The following CLDN14 variants were observed in gnomAD, a reference collection of about 807,000 sequenced individuals.
The protein encoded by CLDN14 is claudin 14, also known as claudin-14.
A neutral mutation model predicts 2.1 loss-of-function variants in CLDN14; 2 were observed. That is an observed-to-expected ratio of 0.96 (90% CI 0.39 to 3.01). The LOEUF is 3.01. Among genes scored for constraint, CLDN14 ranks in the 30% most tolerant of loss-of-function variants. CLDN14 has a pLI of 0.09. For missense variants in CLDN14, 298 were observed against 328.0 expected (o/e 0.91, Z 0.71); for synonymous variants, 136 against 154.4 (o/e 0.88, Z 0.88).
At chr21:36,484,478 C>T (rs76121568), upstream of CLDN14, among the ~76,000 whole-genome samples, 3,031 of 152,176 alleles carry the variant, frequency 0.02, 41 homozygotes, top group African/African-American at 0.038. Flanking sequence ...GCCAAGAGTC[C>T]AAAACCAAGA....
At position 36,461,201 on chromosome 21, in the gene CLDN14, G is replaced by A. The variant is rs373672296; in HGVS notation, c.495C>T (p.Tyr165=). Residue 165 remains tyrosine (Y), a synonymous_variant, in exon 2 of 2, where the codon TAC becomes TAT. Coordinates refer to ENST00000399135, the MANE Select transcript of CLDN14 (RefSeq NM_001146079.2). The part of the protein sequence containing the change: ...GMKFEIGQAL[Y]LGFISSSLSL... ...AGAGGGACGAGGAGATGAAGCCCAG[G>A]TACAGGGCCTGGCCAATCTCAAACT... 1.1e-5 allele frequency: 17 copies of A among 1,613,990 alleles called. No homozygotes were observed. The highest frequency in any genetic ancestry group is 9.9e-5 in the South Asian group (9 of 91,092).
In CLDN14 at chr21:36,569,745, C is replaced by T. The variant is rs978607484; in HGVS notation, c.-220+6666G>A. ...TGCCTTTGTAATAGGGAGAGAGAGCCATGGGCAGCCTCCCAACCCAAGCAT... is the reference window on the plus strand; with the variant it reads ...TGCCTTTGTAATAGGGAGAGAGAGCTATGGGCAGCCTCCCAACCCAAGCAT... On this transcript the variant is annotated intron_variant, in intron 1 of 2. Coordinates refer to the CLDN14 transcript ENST00000342108. Among the ~76,000 whole-genome samples the T allele has an allele frequency of 2.0e-5, 3 of 152,164 alleles. No individual in the cohort carries two copies. In the East Asian group the frequency reaches 5.8e-4, roughly 29 times the overall value.
intron 1 of CLDN14, among the ~76,000 whole-genome samples, chr21:36,548,749 G>A (rs909702537): frequency 2.0e-5 from 3 of 152,178 alleles, no homozygotes; most frequent in African/African-American, 7.2e-5. Flanking sequence ...GTCAGTTGAT[G>A]TGGGGAGGCC....
intron 2 of CLDN14, chr21:36,487,873 A>G (rs2086913735): frequency 6.6e-6 from 1 of 152,224 alleles, no homozygotes; most frequent in African/African-American, 2.4e-5. Context: ...TTTGGATGAG[A>G]CAGATACCAG....
chr21:36,482,794 A>G (rs941176158), upstream of CLDN14, among the ~76,000 whole-genome samples: 2 of 152,214 alleles, frequency 1.3e-5, no homozygotes, highest in African/African-American at 4.8e-5. Flanking sequence ...CGACGCTTCC[A>G]TGAAAACCTT....
intron 1 of CLDN14, among the ~76,000 whole-genome samples, chr21:36,471,438 A>C (rs971549904): frequency 1.3e-5 from 2 of 152,220 alleles, no homozygotes; most frequent in Non-Finnish European, 2.9e-5. Flanking sequence ...CACTTAGCTC[A>C]CAGAGAGTTT....
rs777338181 is a variant in CLDN14, at chr21:36,515,789, C to CTCT, written c.-219-5290_-219-5289insAGA. 1.7e-5 allele frequency among the ~76,000 whole-genome samples: 2 copies of CTCT among 115,312 alleles called. 1 individual carries two copies. Among genetic ancestry groups the CTCT allele is most frequent in the Non-Finnish European group, 3.4e-5 (2 of 59,362 alleles). The allele number at this position is 115,312 out of a possible 152,430, so 75.6% of individuals were successfully genotyped here. ...AAGCTGTGTTTCCCTTTTATCTTCTCTTTTTTTTTTTTTTTGAGACAGAGT... is the reference window on the plus strand; with the variant it reads ...AAGCTGTGTTTCCCTTTTATCTTCTCTCTTTTTTTTTTTTTTTTGAGACAGAGT... On this transcript the variant is annotated intron_variant, in intron 1 of 2. Transcript: ENST00000342108.
intron 1 of CLDN14, among the ~76,000 whole-genome samples, chr21:36,462,942 C>A (rs113320652): frequency 0.038 from 2,739 of 71,724 alleles, 43 homozygotes; most frequent in Middle Eastern, 0.17. Context: ...AGCAAACAAA[C>A]AAAAAAAAAC....
intron 2 of CLDN14, among the ~76,000 whole-genome samples, chr21:36,492,233 G>C (rs1345854186): frequency 2.1e-5 from 3 of 146,068 alleles, no homozygotes; most frequent in African/African-American, 7.9e-5. Context: ...AGGAGATCGA[G>C]ACCATCCTGG....
At chr21:36,569,175 TG>T (rs2087692040) in intron 1 of CLDN14, among the ~76,000 whole-genome samples, 1 of 152,232 alleles carries the variant, frequency 6.6e-6, no homozygotes, top group African/African-American at 2.4e-5. Context: ...CCCAGCACTT[TG>T]GGAGGCTGAG....
At position 36,476,394 on chromosome 21, in the gene CLDN14, C is replaced by A. The variant is rs148800228; in HGVS notation, c.-82+3101G>T. 3.4e-3 allele frequency among the ~76,000 whole-genome samples: 525 copies of A among 152,270 alleles called. 5 individuals are homozygous for A. Among genetic ancestry groups the A allele is most frequent in the African/African-American group, 0.012 (506 of 41,548 alleles). ...CAGCCCACTGTGGGCACTGAGCCTC[C>A]CTCATTGTTAATCTTGGCCAAGAAG... On this transcript the variant is annotated intron_variant, in intron 1 of 1. Transcript: ENST00000399135.
At chr21:36,483,307 G>C (rs550030384), upstream of CLDN14, among the ~76,000 whole-genome samples, 1 of 152,320 alleles carries the variant, frequency 6.6e-6, no homozygotes, top group African/African-American at 2.4e-5. Context: ...CCTGAGGAGC[G>C]AGCCCGGTCC....
At chr21:36,533,106 G>C (rs781138244) in intron 1 of CLDN14, among the ~76,000 whole-genome samples, 1 of 152,164 alleles carries the variant, frequency 6.6e-6, no homozygotes, top group Non-Finnish European at 1.5e-5. Context: ...GCGTAGCCAC[G>C]AACTACACAG....
chr21:36,472,920 C>G (rs956861631), intron 1 of CLDN14, among the ~76,000 whole-genome samples: 1 of 152,206 alleles, frequency 6.6e-6, no homozygotes, highest in Admixed American at 6.5e-5. Flanking sequence ...GGGCTTAGGG[C>G]TCCAACATAG....
At chr21:36,548,938 C>T (rs1019305567) in intron 1 of CLDN14, among the ~76,000 whole-genome samples, 14 of 152,230 alleles carry the variant, frequency 9.2e-5, no homozygotes, top group African/African-American at 3.1e-4. Context: ...TGGGCACATT[C>T]CAGTTGCTGC....
At chr21:36,558,297 AT>A (rs921599830) in intron 1 of CLDN14, among the ~76,000 whole-genome samples, 2 of 151,676 alleles carry the variant, frequency 1.3e-5, no homozygotes, top group South Asian at 2.1e-4. Context: ...GAATTTTAGG[AT>A]TTTTTTTCTG....
intron 2 of CLDN14, chr21:36,486,985 A>C: frequency 2.8e-6 from 1 of 359,794 alleles, no homozygotes; most frequent in South Asian, 2.8e-5. Context: ...GATTTTGTTT[A>C]ATTTTTTTTT....
chr21:36,482,194 A>G (rs534001943), upstream of CLDN14, among the ~76,000 whole-genome samples: 35 of 152,370 alleles, frequency 2.3e-4, no homozygotes, highest in African/African-American at 8.4e-4. Flanking sequence ...TTCGAATGCC[A>G]ATCAGGGGTA....
chr21:36,475,965 G>A (rs911022357), intron 1 of CLDN14, among the ~76,000 whole-genome samples: 2 of 151,916 alleles, frequency 1.3e-5, no homozygotes, highest in South Asian at 2.1e-4. Flanking sequence ...AGCCACCACC[G>A]TACCTGGCCT....
Sources: gnomAD v4.1 joint callset for allele counts (sites outside exome capture counted in the v4.1 genomes callset) on GRCh38, gnomAD v4.1.1 for gene constraint, MANE v1.5 for transcripts, NCBI Gene and HGNC (gene_info 2026-07-23, HGNC 2026-07-21) for gene names.